Variants in TAFA4 observed in about 807,000 individuals in gnomAD.
The protein encoded by TAFA4 is TAFA chemokine like family member 4, also known as chemokine-like protein TAFA-4.
TAFA4 carries 20 observed loss-of-function variants against 21.1 expected under a neutral mutation model. That is an observed-to-expected ratio of 0.95 (90% CI 0.67 to 1.38). The LOEUF is 1.38. Among genes scored for constraint, TAFA4 ranks in the 40% most tolerant of loss-of-function variants. TAFA4 has a pLI of 0.00. For synonymous variants in TAFA4, 71 were observed against 67.4 expected (o/e 1.05, Z -0.26); for missense variants, 211 against 180.9 (o/e 1.17, Z -0.95).
intron 1 of TAFA4, among the ~76,000 whole-genome samples, chr3:68,889,970 A>G (rs1381379808): frequency 6.6e-6 from 1 of 152,220 alleles, no homozygotes; most frequent in Non-Finnish European, 1.5e-5. Context: ...GAAAATCAAC[A>G]GTATCTGAAT....
chr3:68,816,310 T>C (rs1250079410), intron 3 of TAFA4, among the ~76,000 whole-genome samples: 1 of 152,124 alleles, frequency 6.6e-6, no homozygotes, highest in Non-Finnish European at 1.5e-5. Context: ...AAACTTAATG[T>C]ATAATTAAAA....
chr3:68,931,714 TC>T (rs993242800), intron 1 of TAFA4, among the ~76,000 whole-genome samples: 1 of 124,342 alleles, frequency 8.0e-6, no homozygotes, highest in African/African-American at 3.1e-5. Flanking sequence ...GGAAGACGCC[TC>T]CCGAGCGCTC....
rs2090166335 is a variant in TAFA4 at position 68,932,313 on chromosome 3, G to T, written c.-196C>A. 1 of 152,362 alleles carries T rather than the reference G, an allele frequency of 6.6e-6. No homozygotes were observed. Among genetic ancestry groups the T allele is most frequent in the Admixed American group, 6.5e-5 (1 of 15,290 alleles). The allele number at this position is 152,362 out of a possible 1,614,324, so 9.4% of individuals were successfully genotyped here. A position where few individuals can be genotyped will look rare whatever the true frequency, so the allele number is the denominator to read the frequency against. On this transcript the variant is annotated 5_prime_UTR_variant, in exon 1 of 6. Coordinates refer to ENST00000295569, the MANE Select transcript of TAFA4 (RefSeq NM_182522.5). ...ACTGATCGCCGCACCGGAGCCCGAG[G>T]ACGCTCACCGTGCCGCCTCCCCGCG...
At chr3:68,837,984 T>C (rs1475791733) in intron 3 of TAFA4, among the ~76,000 whole-genome samples, 1 of 152,166 alleles carries the variant, frequency 6.6e-6, no homozygotes, top group Non-Finnish European at 1.5e-5. Flanking sequence ...AATTAACATA[T>C]GCATTGCCTC....
intron 3 of TAFA4, among the ~76,000 whole-genome samples, chr3:68,825,130 C>T (rs919720403): frequency 2.0e-5 from 3 of 152,130 alleles, no homozygotes; most frequent in Admixed American, 6.5e-5. Flanking sequence ...TTTCCCTCTC[C>T]GTGCTGCCTC....
intron 3 of TAFA4, among the ~76,000 whole-genome samples, chr3:68,765,473 C>G (rs1702835025): frequency 6.6e-6 from 1 of 152,038 alleles, no homozygotes; most frequent in South Asian, 2.1e-4. Flanking sequence ...CTTACAAATG[C>G]TATTTTTGTT....
At chr3:68,755,789 T>C (rs1702649506) in intron 3 of TAFA4, among the ~76,000 whole-genome samples, 2 of 152,166 alleles carry the variant, frequency 1.3e-5, no homozygotes, top group Non-Finnish European at 2.9e-5. Flanking sequence ...ACAGACTCCT[T>C]GTGCAGGCCC....
intron 3 of TAFA4, among the ~76,000 whole-genome samples, chr3:68,878,386 T>G (rs868181031): frequency 4.6e-5 from 7 of 152,224 alleles, no homozygotes; most frequent in Admixed American, 1.3e-4. Flanking sequence ...AGATGCTTTG[T>G]GTCCCAACTA....
At chr3:68,785,286 G>C (rs1187993076) in intron 3 of TAFA4, among the ~76,000 whole-genome samples, 4 of 152,246 alleles carry the variant, frequency 2.6e-5, no homozygotes, top group Non-Finnish European at 4.4e-5. Flanking sequence ...AGGTGGAGCT[G>C]CCTGCCAGTC....
intron 3 of TAFA4, among the ~76,000 whole-genome samples, chr3:68,811,271 C>T (rs1020492636): frequency 6.6e-6 from 1 of 152,170 alleles, no homozygotes; most frequent in Non-Finnish European, 1.5e-5. Flanking sequence ...AGTACCTCTC[C>T]TCCTCCAAAG....
chr3:68,887,872 AC>A (rs2106960530), intron 1 of TAFA4, among the ~76,000 whole-genome samples: 1 of 152,154 alleles, frequency 6.6e-6, no homozygotes, highest in African/African-American at 2.4e-5. Flanking sequence ...AACAGCAAGC[AC>A]CTGGCTCCAT....
intron 3 of TAFA4, among the ~76,000 whole-genome samples, chr3:68,770,767 G>A (rs967540473): frequency 2.6e-5 from 4 of 152,162 alleles, no homozygotes; most frequent in Middle Eastern, 3.2e-3. Context: ...ACAGGAAGAG[G>A]GCAGGGAAGT....
At chr3:68,808,629 A>C (rs563150494) in intron 3 of TAFA4, among the ~76,000 whole-genome samples, 16 of 152,182 alleles carry the variant, frequency 1.1e-4, no homozygotes, top group Admixed American at 5.9e-4. Context: ...CTAATACTCT[A>C]AACTCTAGAC....
At chr3:68,830,173 G>A (rs895790590) in intron 3 of TAFA4, among the ~76,000 whole-genome samples, 8 of 151,904 alleles carry the variant, frequency 5.3e-5, no homozygotes, top group Non-Finnish European at 1.0e-4. Flanking sequence ...AGGTTTTTTT[G>A]TGTCTCTATC....
In TAFA4 at chr3:68,781,244, G is replaced by C. The variant is rs1206344002; in HGVS notation, c.131-28226C>G. On this transcript the variant is annotated intron_variant, in intron 3 of 5. Transcript: ENST00000295569. ...TCCATATAACTTAAAACTATATAAA[G>C]AAGAGCAAATTAAATCCAAAGCAAA... Among the ~76,000 whole-genome samples the C allele has an allele frequency of 2.6e-4, 38 of 146,446 alleles. 1 individual carries two copies. The Admixed American group carries it at 2.7e-3, about 10-fold the overall frequency.
intron 3 of TAFA4, among the ~76,000 whole-genome samples, chr3:68,842,241 A>G (rs6787092): frequency 0.32 from 48,954 of 152,098 alleles, 8,318 homozygotes; most frequent in Non-Finnish European, 0.38. Context: ...TCACCATTCT[A>G]ACTGGTAGGA....
At chr3:68,908,515 C>T (rs1280202814) in intron 1 of TAFA4, among the ~76,000 whole-genome samples, 3 of 36,360 alleles carry the variant, frequency 8.3e-5, no homozygotes, top group African/African-American at 2.3e-4. Context: ...AAATCAGAAG[C>T]AAAAGTGAAA....
At chr3:68,901,869 G>A (rs1333668423) in intron 1 of TAFA4, among the ~76,000 whole-genome samples, 1 of 152,134 alleles carries the variant, frequency 6.6e-6, no homozygotes. Flanking sequence ...CTTTCAGTGG[G>A]CAAATCATTA....
At chr3:68,840,755 C>T (rs979703545) in intron 3 of TAFA4, among the ~76,000 whole-genome samples, 1 of 152,064 alleles carries the variant, frequency 6.6e-6, no homozygotes, top group African/African-American at 2.4e-5. Context: ...GCAGTAAACT[C>T]TCTTCATGCA....
Sources: gnomAD v4.1 joint callset for allele counts (sites outside exome capture counted in the v4.1 genomes callset) on GRCh38, gnomAD v4.1.1 for gene constraint, MANE v1.5 for transcripts, NCBI Gene and HGNC (gene_info 2026-07-23, HGNC 2026-07-21) for gene names.